The following CLOCK variants were observed in gnomAD, a reference collection of about 807,000 sequenced individuals.
CLOCK encodes the protein circadian locomoter output cycles protein kaput.
A neutral mutation model predicts 118.4 loss-of-function variants in CLOCK; 43 were observed. That is an observed-to-expected ratio of 0.36 (90% CI 0.28 to 0.47). CLOCK has a LOEUF of 0.47. Ranked by LOEUF, CLOCK falls within the 20% of genes least tolerant of loss-of-function variation. CLOCK has a pLI of 1.00. For missense variants in CLOCK, 846 were observed against 999.9 expected (o/e 0.85, Z 2.08); for synonymous variants, 326 against 339.2 (o/e 0.96, Z 0.43).
At chr4:55,509,434 A>G (rs941659577) in intron 2 of CLOCK, among the ~76,000 whole-genome samples, 1 of 152,186 alleles carries the variant, frequency 6.6e-6, no homozygotes, top group African/African-American at 2.4e-5. Flanking sequence ...CTCTTAGCTC[A>G]TGAGTCATAC....
chr4:55,443,674 T>A lies in CLOCK; in HGVS notation c.1902+13A>T, dbSNP rs769601778. ...CTGATCACTCCATAGCCCGCTGTGC[T>A]CAGTAACATTACCTGAGTTGATGTA... On this transcript the variant is annotated intron_variant, in intron 20 of 22. Transcript: ENST00000513440. 29 of 1,608,628 alleles carry A rather than the reference T, an allele frequency of 1.8e-5. No individual in the cohort carries two copies. The highest frequency in any genetic ancestry group is 2.5e-5 in the Non-Finnish European group (29 of 1,175,148).
At chr4:55,438,132 A>T in intron 22 of CLOCK, 150 bp downstream of exon 22, 1 of 1,089,870 alleles carries the variant, frequency 9.2e-7, no homozygotes, top group Non-Finnish European at 1.3e-6. Flanking sequence ...ATCGCCAACC[A>T]GAACAAGCTT....
At chr4:55,526,245 T>C (rs1730177748) in intron 1 of CLOCK, among the ~76,000 whole-genome samples, 1 of 152,180 alleles carries the variant, frequency 6.6e-6, no homozygotes, top group Non-Finnish European at 1.5e-5. Flanking sequence ...TACTGAAAGC[T>C]ACTCCTTTAA....
chr4:55,499,740 C>G (rs907039969), intron 2 of CLOCK, among the ~76,000 whole-genome samples: 4 of 152,204 alleles, frequency 2.6e-5, no homozygotes, highest in Non-Finnish European at 5.9e-5. Flanking sequence ...AGGGGCAACT[C>G]TGGGATTTGA....
intron 1 of CLOCK, among the ~76,000 whole-genome samples, chr4:55,515,251 A>G (rs1309870388): frequency 6.6e-6 from 1 of 152,126 alleles, no homozygotes; most frequent in African/African-American, 2.4e-5. Flanking sequence ...TCTATTAGTA[A>G]TATTAGCGTA....
chr4:55,472,134 G>A (rs773589241), intron 7 of CLOCK, among the ~76,000 whole-genome samples: 17 of 152,080 alleles, frequency 1.1e-4, no homozygotes, highest in Admixed American at 3.3e-4. Context: ...ATACACTGTC[G>A]TCAAGGAATC....
At chr4:55,510,341 C>T (rs1729058061) in intron 1 of CLOCK, among the ~76,000 whole-genome samples, 1 of 152,066 alleles carries the variant, frequency 6.6e-6, no homozygotes. Context: ...GAAAAGTTCT[C>T]CTGGGACGGG....
At chr4:55,467,173 A>G (rs1377409801) in intron 8 of CLOCK, among the ~76,000 whole-genome samples, 3 of 152,184 alleles carry the variant, frequency 2.0e-5, no homozygotes, top group African/African-American at 7.2e-5. Flanking sequence ...AGTGTTAATC[A>G]AACACTTCAA....
intron 1 of CLOCK, among the ~76,000 whole-genome samples, chr4:55,534,135 A>C (rs1730730325): frequency 6.6e-6 from 1 of 152,164 alleles, no homozygotes; most frequent in South Asian, 2.1e-4. Context: ...ACAGCACTGA[A>C]GTAATTAATA....
At chr4:55,501,921 T>C (rs769938512) in intron 2 of CLOCK, among the ~76,000 whole-genome samples, 7 of 152,230 alleles carry the variant, frequency 4.6e-5, no homozygotes, top group Admixed American at 6.5e-5. Context: ...TCATTCCATC[T>C]GTAAACAGTC....
Position 55,450,108 on chromosome 4 carries a change from G to T in CLOCK, c.1331C>A (p.Ala444Asp), listed in dbSNP as rs1486854812. The T allele has an allele frequency of 6.2e-7, 1 of 1,614,136 alleles. No homozygotes were observed. Among genetic ancestry groups the T allele is most frequent in the Non-Finnish European group, 8.5e-7 (1 of 1,180,008 alleles). Residue 444 changes from alanine to aspartate, a missense_variant, in exon 16 of 23, where the codon GCC (alanine) becomes GAC (aspartate). By Grantham distance (126) the Ala-to-Asp change is moderately radical. Coordinates refer to ENST00000513440, the MANE Select transcript of CLOCK (RefSeq NM_004898.4). ...SRSSRKSSHT[A>D]VSDPSSTPTK... The stretch of plus-strand genomic sequence containing the variant: ...GTACTCACAGGAAGGGTCTGAGACG[G>T]CCGTGTGAGATGATTTTCTTGAACT...
chr4:55,459,095 G>T, intron 10 of CLOCK, 53 bp downstream of exon 10: 1 of 1,465,646 alleles, frequency 6.8e-7, no homozygotes, highest in African/African-American at 1.4e-5. Context: ...GTCTTTAAGA[G>T]CACAGAAAAA....
chr4:55,459,415 C>T (rs1725163786), intron 9 of CLOCK, among the ~76,000 whole-genome samples, 154 bp from the exon 10 acceptor site: 1 of 152,156 alleles, frequency 6.6e-6, no homozygotes, highest in African/African-American at 2.4e-5. Flanking sequence ...AAAAGTAGAG[C>T]ACCTTCAGGA....
chr4:55,529,350 G>T (rs1251702270), intron 1 of CLOCK, among the ~76,000 whole-genome samples: 2 of 151,904 alleles, frequency 1.3e-5, no homozygotes, highest in Non-Finnish European at 2.9e-5. Context: ...TGTAGAGATG[G>T]GGTCTCATTA....
intron 3 of CLOCK, among the ~76,000 whole-genome samples, chr4:55,484,362 G>T (rs143705227): frequency 6.6e-6 from 1 of 151,872 alleles, no homozygotes; most frequent in Admixed American, 6.6e-5. Context: ...AGGGCTAAGA[G>T]TTCTTAAAAG....
chr4:55,473,819 T>C (rs962615701), intron 7 of CLOCK, among the ~76,000 whole-genome samples: 1 of 152,206 alleles, frequency 6.6e-6, no homozygotes, highest in African/African-American at 2.4e-5. Flanking sequence ...TTATTATATC[T>C]GTAATGGTGA....
chr4:55,481,553 G>A (rs967791117), intron 4 of CLOCK, among the ~76,000 whole-genome samples: 1 of 152,278 alleles, frequency 6.6e-6, no homozygotes, highest in South Asian at 2.1e-4. Flanking sequence ...CATGGTGCAG[G>A]CAGGCTTCTT....
intron 1 of CLOCK, among the ~76,000 whole-genome samples, chr4:55,520,209 TA>T (rs1332337659): frequency 6.6e-6 from 1 of 152,174 alleles, no homozygotes; most frequent in African/African-American, 2.4e-5. Context: ...ACCACTTTTT[TA>T]AGGCCACCAA....
intron 1 of CLOCK, among the ~76,000 whole-genome samples, chr4:55,512,905 G>A (rs1454643865): frequency 1.3e-5 from 2 of 152,162 alleles, no homozygotes; most frequent in Non-Finnish European, 2.9e-5. Context: ...AGGACAGACC[G>A]TATATATGAC....
Sources: gnomAD v4.1 joint callset for allele counts (sites outside exome capture counted in the v4.1 genomes callset) on GRCh38, gnomAD v4.1.1 for gene constraint, MANE v1.5 for transcripts, NCBI Gene and HGNC (gene_info 2026-07-23, HGNC 2026-07-21) for gene names.